The following DEGS2 variants were observed in gnomAD, a reference collection of about 807,000 sequenced individuals.
DEGS2 encodes the protein delta 4-desaturase, sphingolipid 2, also known as sphingolipid delta(4)-desaturase/C4-monooxygenase DES2.
A neutral mutation model predicts 23.8 loss-of-function variants in DEGS2; 19 were observed. The ratio of observed to expected loss-of-function variants is 0.80; its 90% CI spans 0.56 to 1.17. DEGS2 has a LOEUF of 1.17. Ranked by LOEUF, DEGS2 falls within the 50% of genes most tolerant of loss-of-function variation. The probability of loss-of-function intolerance (pLI) is 0.00; values close to 1 mark genes in which losing one functional copy is unlikely to be tolerated. For synonymous variants in DEGS2, 218 were observed against 213.7 expected (o/e 1.02, Z -0.18); for missense variants, 390 against 459.5 (o/e 0.85, Z 1.38).
chr14:100,159,716 C>A (rs1889720742), upstream of DEGS2: 1 of 392,498 alleles, frequency 2.5e-6, no homozygotes, highest in South Asian at 8.7e-5. Context: ...GCCAGGTGCG[C>A]CAGGCTTGGG....
chr14:100,147,016 T>C, intron 2 of DEGS2, 109 bp from the exon 3 acceptor site: 1 of 1,327,976 alleles, frequency 7.5e-7, no homozygotes, highest in Non-Finnish European at 1.0e-6. Context: ...TGCATATTCA[T>C]GTACGAACAT....
chr14:100,152,879 C>G (rs527541936), intron 1 of DEGS2, among the ~76,000 whole-genome samples: 2 of 125,348 alleles, frequency 1.6e-5, no homozygotes, highest in African/African-American at 2.9e-5. Context: ...ATCCCCTCTT[C>G]GAATGGATGG....
chr14:100,160,013 A>G (rs1889726520), upstream of DEGS2: 1 of 153,780 alleles, frequency 6.5e-6, no homozygotes, highest in Non-Finnish European at 1.4e-5. Context: ...GCTCGCGGGC[A>G]CGCCCCTGTG....
Position 100,145,154 on chromosome 14 carries a change from T to G in DEGS2, c.*1607A>C, listed in dbSNP as rs1044038333. On this transcript the variant is annotated 3_prime_UTR_variant, in exon 3 of 3. Transcript: ENST00000305631. Reference sequence around the variant, plus strand: ...GGAGCGCTCAAAGGACTGTCTGTCTTCGGAGCCACCCTCTGACCCTGGGCC... The same window carrying G: ...GGAGCGCTCAAAGGACTGTCTGTCTGCGGAGCCACCCTCTGACCCTGGGCC... The G allele has an allele frequency of 6.6e-6, 1 of 152,344 alleles. No individual in the cohort carries two copies. Among genetic ancestry groups the G allele is most frequent in the African/African-American group, 2.4e-5 (1 of 41,448 alleles). 9.4% of individuals were successfully genotyped at this position (152,344 alleles called of 1,614,324 possible).
upstream of DEGS2, among the ~76,000 whole-genome samples, chr14:100,163,775 A>C (rs1007797457): frequency 6.6e-6 from 1 of 152,204 alleles, no homozygotes; most frequent in African/African-American, 2.4e-5. Flanking sequence ...GGTGAAGTGC[A>C]GTGGTGCAGT....
intron 1 of DEGS2, among the ~76,000 whole-genome samples, chr14:100,154,034 A>G (rs1352523316): frequency 6.6e-6 from 1 of 152,178 alleles, no homozygotes; most frequent in Non-Finnish European, 1.5e-5. Flanking sequence ...GCACCGATCT[A>G]GTGCTTGGCT....
chr14:100,165,255 A>T, the DEGS2 span, among the ~76,000 whole-genome samples: 2 of 152,294 alleles, frequency 1.3e-5, no homozygotes, highest in African/African-American at 2.4e-5. Flanking sequence ...AGAGCCCTGA[A>T]ATTACTCAAA....
At chr14:100,159,142 G>GGAGCGCGTGCGCCAA (rs1871772587) in intron 1 of DEGS2, among the ~76,000 whole-genome samples, 1 of 152,146 alleles carries the variant, frequency 6.6e-6, no homozygotes, top group African/African-American at 2.4e-5. Flanking sequence ...CTCCGCGCCA[G>GGAGCGCGTGCGCCAA]GGAGCGCGTG....
chr14:100,160,995 C>G (rs566375030), upstream of DEGS2, among the ~76,000 whole-genome samples: 5 of 152,314 alleles, frequency 3.3e-5, no homozygotes, highest in African/African-American at 1.2e-4. Flanking sequence ...CTGCTCTGTT[C>G]CCAGCCAGAA....
intron 1 of DEGS2, chr14:100,155,712 C>T (rs1889646306): frequency 6.6e-6 from 1 of 152,220 alleles, no homozygotes; most frequent in African/African-American, 2.4e-5. Context: ...AGCCTCAGCC[C>T]CGGCCTTTCT....
At chr14:100,152,377 G>A (rs542276497) in intron 1 of DEGS2, among the ~76,000 whole-genome samples, 35 of 152,178 alleles carry the variant, frequency 2.3e-4, no homozygotes, top group Non-Finnish European at 3.8e-4. Context: ...GGAACTCCTC[G>A]AGAGCTATGG....
At chr14:100,155,922 C>G (rs1254905673) in intron 1 of DEGS2, among the ~76,000 whole-genome samples, 1 of 152,112 alleles carries the variant, frequency 6.6e-6, no homozygotes, top group Non-Finnish European at 1.5e-5. Flanking sequence ...CTGGCTGGGT[C>G]TCTGATGGGG....
rs1257576072 is a variant in DEGS2 at position 100,145,627 on chromosome 14, C to T, written c.*1134G>A. On this transcript the variant is annotated 3_prime_UTR_variant, in exon 3 of 3. Coordinates refer to ENST00000305631, the MANE Select transcript of DEGS2 (RefSeq NM_206918.3). Reference sequence around the variant, plus strand: ...TTCCCCAAGGCAGTGGTGGGAGCTGCATCCACTGCTGGATTGCAGTGGGCC... The same window carrying T: ...TTCCCCAAGGCAGTGGTGGGAGCTGTATCCACTGCTGGATTGCAGTGGGCC... 6.6e-6 allele frequency: 1 copy of T among 152,168 alleles called. No individual in the cohort carries two copies. The highest frequency in any genetic ancestry group is 2.4e-5 in the African/African-American group (1 of 41,434). The allele number at this position is 152,168 out of a possible 1,614,324, so 9.4% of individuals were successfully genotyped here.
At position 100,149,578 on chromosome 14, in the gene DEGS2, C is replaced by G. The variant is rs771455304; in HGVS notation, c.215G>C (p.Trp72Ser). 1 of 1,609,138 alleles carries G rather than the reference C, an allele frequency of 6.2e-7. No homozygotes were observed. The highest frequency in any genetic ancestry group is 1.1e-5 in the South Asian group (1 of 90,800). ...RGLAWRWLLF[W>S]AYAFGGCVNH... ...CACGCAGCCACCAAAGGCGTAGGCC[C>G]AGAACAGCAGCCAGCGCCAGGCCAG... Residue 72 changes from tryptophan (W) to serine (S), a missense_variant, in exon 2 of 3, where the codon TGG becomes TCG. Trp to Ser is a radical substitution (Grantham distance 177). Transcript: ENST00000305631.
chr14:100,162,815 C>T (rs567863089), upstream of DEGS2, among the ~76,000 whole-genome samples: 2 of 152,326 alleles, frequency 1.3e-5, no homozygotes, highest in East Asian at 1.9e-4. Context: ...GAGTGCTGTG[C>T]CAGGAGCAGG....
chr14:100,165,375 C>G, the DEGS2 span, among the ~76,000 whole-genome samples: 1 of 152,282 alleles, frequency 6.6e-6, no homozygotes, highest in South Asian at 2.1e-4. Flanking sequence ...TCAGCAGACC[C>G]CAGCGTTCGC....
At chr14:100,157,068 G>A (rs1410559661) in intron 1 of DEGS2, among the ~76,000 whole-genome samples, 1 of 152,188 alleles carries the variant, frequency 6.6e-6, no homozygotes, top group Non-Finnish European at 1.5e-5. Context: ...TGGTTCCAGG[G>A]CCTGTGGCTT....
At chr14:100,166,322 CGGGGCTGT>C in the DEGS2 span, among the ~76,000 whole-genome samples, 4 of 24,536 alleles carry the variant, frequency 1.6e-4, no homozygotes, top group East Asian at 2.1e-3. Context: ...GGAGCCTGCC[CGGGGCTGT>C]GGGGGAGCCT....
intron 1 of DEGS2, among the ~76,000 whole-genome samples, 152 bp downstream of exon 1, chr14:100,159,332 GGGGGACCCTCGGGGAGCCGGCC>G (rs1889710789): frequency 6.6e-6 from 1 of 152,202 alleles, no homozygotes; most frequent in Non-Finnish European, 1.5e-5. Flanking sequence ...CGGCCAGGGT[GGGGGACCCTCGGGGAGCCGGCC>G]GGGGACCCCA....
Sources: allele counts gnomAD v4.1 joint callset (sites outside exome capture counted in the v4.1 genomes callset), GRCh38; gene constraint gnomAD v4.1.1; transcripts MANE v1.5; gene names NCBI Gene and HGNC (gene_info 2026-07-23, HGNC 2026-07-21).